The following ATL3 variants were observed in gnomAD, a reference collection of about 807,000 sequenced individuals.
ATL3 encodes atlastin GTPase 3, also known as atlastin-3.
ATL3 carries 49 observed loss-of-function variants against 69.5 expected under a neutral mutation model. That is an observed-to-expected ratio of 0.71 (90% CI 0.56 to 0.89). The LOEUF is 0.89. ATL3 is among the 40% of genes least tolerant of loss of function. ATL3 has a pLI of 0.00. For missense variants in ATL3, 606 were observed against 645.7 expected, an observed-to-expected ratio of 0.94 and a Z score of 0.67; for synonymous variants, 214 against 224.1, an observed-to-expected ratio of 0.95 and a Z score of 0.40.
chr11:63,626,955 T>C lies in ATL3; in HGVS notation c.*2364A>G, dbSNP rs1408513057. ...AAGCAGAACTAAGAAAAAAAAAAAA[T>C]GGTGAAGAGGACTTCCTCTGGATAA... On this transcript the variant is annotated 3_prime_UTR_variant, in exon 13 of 13. Transcript: ENST00000398868. 6.7e-6 allele frequency: 1 copy of C among 149,604 alleles called. No homozygotes were observed. The highest frequency in any genetic ancestry group is 1.5e-5 in the Non-Finnish European group (1 of 67,486). The allele number at this position is 149,604 out of a possible 1,614,324, so 9.3% of individuals were successfully genotyped here.
rs1297082242 is a variant in ATL3, at chr11:63,628,109, A to C, written c.*1210T>G. ...TCTCAAAAACAAAACCCCTCAAATG[A>C]CAATTACAAGAGTTGTGTAAAACAT... On this transcript the variant is annotated 3_prime_UTR_variant, in exon 13 of 13. Transcript: ENST00000398868. The C allele has an allele frequency of 6.6e-6, 1 of 152,214 alleles. No homozygotes were observed. The highest frequency in any genetic ancestry group is 2.4e-5 in the African/African-American group (1 of 41,458). 9.4% of individuals were successfully genotyped at this position (152,214 alleles called of 1,614,324 possible).
At chr11:63,647,711 A>G (rs924148737) in intron 5 of ATL3, among the ~76,000 whole-genome samples, 1 of 152,228 alleles carries the variant, frequency 6.6e-6, no homozygotes, top group African/African-American at 2.4e-5. Context: ...GTTTACATGT[A>G]TATTTACCTC....
intron 10 of ATL3, among the ~76,000 whole-genome samples, chr11:63,634,933 G>A (rs767618438): frequency 2.6e-4 from 39 of 151,624 alleles, no homozygotes; most frequent in Non-Finnish European, 4.6e-4. Context: ...AGGCCAAGAC[G>A]GTCGGATTGC....
At chr11:63,643,821 G>A (rs368116784) in intron 7 of ATL3, among the ~76,000 whole-genome samples, 1 of 150,910 alleles carries the variant, frequency 6.6e-6, no homozygotes, top group Non-Finnish European at 1.5e-5. Flanking sequence ...AACAGGTTAG[G>A]CCTGTTTATA....
chr11:63,636,196 C>A lies in ATL3; in HGVS notation c.978+11G>T. ...AAATCAAACATTTTAATAACTAAAA[C>A]CCATATTTACCTTAAAATACTCCAG... On this transcript the variant is annotated intron_variant, in intron 9 of 12. Transcript: ENST00000398868. 1.2e-6 allele frequency: 2 copies of A among 1,608,784 alleles called. No homozygotes were observed. The highest frequency in any genetic ancestry group is 1.7e-6 in the Non-Finnish European group (2 of 1,178,566).
chr11:63,662,194 C>T (rs1275040827), intron 1 of ATL3, among the ~76,000 whole-genome samples: 1 of 139,276 alleles, frequency 7.2e-6, no homozygotes, highest in Non-Finnish European at 1.5e-5. Context: ...GCCTAGATTT[C>T]AGAGCAAGAC....
intron 6 of ATL3, 102 bp from the exon 7 acceptor site, chr11:63,644,363 G>A: frequency 1.5e-6 from 1 of 645,740 alleles, no homozygotes; most frequent in Non-Finnish European, 2.7e-6. Context: ...TACAAAGGGG[G>A]TAAAGTAGAA....
intron 9 of ATL3, 55 bp downstream of exon 9, chr11:63,636,152 G>C (rs1415784865): frequency 6.4e-7 from 1 of 1,571,734 alleles, no homozygotes; most frequent in East Asian, 2.2e-5. Flanking sequence ...TGATTTACGA[G>C]TGAGATCAGC....
Position 63,625,961 on chromosome 11 carries a change from GACAGT to G in ATL3, c.*3353_*3357del, listed in dbSNP as rs1314980346. Reference sequence around the variant, plus strand: ...TGCGCCACTGCACTTCAGCCTGGGTGACAGTACAAGAGTCCGTCTCAAAAAAAAAA... The same window carrying G: ...TGCGCCACTGCACTTCAGCCTGGGTGACAAGAGTCCGTCTCAAAAAAAAAA... On this transcript the variant is annotated 3_prime_UTR_variant, in exon 13 of 13. Transcript: ENST00000398868. 1 of 151,714 alleles carries G rather than the reference GACAGT, an allele frequency of 6.6e-6. No individual in the cohort carries two copies. Among genetic ancestry groups the G allele is most frequent in the Admixed American group, 6.6e-5 (1 of 15,202 alleles). The allele number at this position is 151,714 out of a possible 1,614,324, so 9.4% of individuals were successfully genotyped here.
intron 1 of ATL3, among the ~76,000 whole-genome samples, chr11:63,662,606 A>G (rs1940454665): frequency 6.6e-6 from 1 of 152,116 alleles, no homozygotes; most frequent in African/African-American, 2.4e-5. Context: ...CAGCCTCCCA[A>G]GTAGCTGGGA....
intron 5 of ATL3, among the ~76,000 whole-genome samples, chr11:63,647,321 G>A (rs752626566): frequency 1.3e-5 from 2 of 152,172 alleles, no homozygotes; most frequent in Non-Finnish European, 2.9e-5. Context: ...AGCCTCCCAG[G>A]TAGCTGGGAT....
rs1278279668 is a variant in ATL3, at chr11:63,624,960, A to C, written c.*4359T>G. The C allele has an allele frequency of 6.6e-6, 1 of 152,144 alleles. No individual in the cohort carries two copies. The highest frequency in any genetic ancestry group is 1.5e-5 in the Non-Finnish European group (1 of 68,030). 9.4% of individuals were successfully genotyped at this position (152,144 alleles called of 1,614,324 possible). ...TGTGGTCTCTGAACCACTATTTATA[A>C]AAGTGATGACTCCAGGACCACAGCC... On this transcript the variant is annotated 3_prime_UTR_variant, in exon 13 of 13. Coordinates refer to ENST00000398868, the MANE Select transcript of ATL3 (RefSeq NM_015459.5).
chr11:63,631,130 T>G lies in ATL3; in HGVS notation c.1449A>C (p.Ala483=), dbSNP rs1435825471. 1 of 1,613,738 alleles carries G rather than the reference T, an allele frequency of 6.2e-7. No individual in the cohort carries two copies. Among genetic ancestry groups the G allele is most frequent in the Non-Finnish European group, 8.5e-7 (1 of 1,179,954 alleles). Residue 483 remains alanine, a synonymous_variant, in exon 12 of 13, where the codon GCA becomes GCC. Transcript: ENST00000398868. ...ACCTGATGTAGCCCCAGGTGAGGAG[T>G]GCTATTAACAGTAGTCCAACCATAC... ...FNCMVGLLLI[A]LLTWGYIRYS... is the part of the protein sequence containing the mutation.
At chr11:63,644,375 G>T in intron 6 of ATL3, 114 bp from the exon 7 acceptor site, 3 of 524,098 alleles carry the variant, frequency 5.7e-6, no homozygotes, top group African/African-American at 2.4e-5. Flanking sequence ...AAAGTAGAAG[G>T]ATTTACCTTT....
chr11:63,650,398 G>A (rs567541666), intron 5 of ATL3, among the ~76,000 whole-genome samples: 1 of 151,968 alleles, frequency 6.6e-6, no homozygotes, highest in Non-Finnish European at 1.5e-5. Flanking sequence ...TTTTAAACTG[G>A]TTATTGTTAG....
chr11:63,627,544 T>C lies in ATL3; in HGVS notation c.*1775A>G, dbSNP rs938574640. On this transcript the variant is annotated 3_prime_UTR_variant, in exon 13 of 13. Transcript: ENST00000398868. ...CTACCTTCCATTCATACTTCATGTA[T>C]GTAAAGTTTACACTCAGATCTTACC... The C allele has an allele frequency of 1.3e-5, 2 of 152,216 alleles. No individual in the cohort carries two copies. Among genetic ancestry groups the C allele is most frequent in the African/African-American group, 4.8e-5 (2 of 41,466 alleles). The allele number at this position is 152,216 out of a possible 1,614,324, so 9.4% of individuals were successfully genotyped here. A position where few individuals can be genotyped will look rare whatever the true frequency, so the allele number is the denominator to read the frequency against.
intron 5 of ATL3, among the ~76,000 whole-genome samples, chr11:63,647,715 T>C (rs1386983791): frequency 6.6e-6 from 1 of 152,182 alleles, no homozygotes; most frequent in African/African-American, 2.4e-5. Context: ...ACATGTATAT[T>C]TACCTCTAAA....
chr11:63,648,528 G>A (rs1939963499), intron 5 of ATL3, among the ~76,000 whole-genome samples: 1 of 152,192 alleles, frequency 6.6e-6, no homozygotes, highest in South Asian at 2.1e-4. Context: ...TTTGAGAAAA[G>A]CCTCTTAGCA....
chr11:63,632,168 A>G, intron 11 of ATL3: 1 of 450,434 alleles, frequency 2.2e-6, no homozygotes, highest in Non-Finnish European at 4.3e-6. Flanking sequence ...CCTAAAAATT[A>G]AATGAATTAT....
Sources: allele counts gnomAD v4.1 joint callset (sites outside exome capture counted in the v4.1 genomes callset), GRCh38; gene constraint gnomAD v4.1.1; transcripts MANE v1.5; gene names NCBI Gene and HGNC (gene_info 2026-07-23, HGNC 2026-07-21).